Variants in PPDPFL observed in about 807,000 individuals in gnomAD.
PPDPFL encodes pancreatic progenitor cell differentiation and proliferation factor-like protein.
PPDPFL carries 12 observed loss-of-function variants against 12.6 expected under a neutral mutation model. The observed-to-expected ratio is 0.95, with a 90% CI of 0.61 to 1.54. The LOEUF is 1.54. Ranked by LOEUF, PPDPFL falls within the 40% of genes most tolerant of loss-of-function variation. The pLI, the probability that PPDPFL is intolerant of heterozygous loss-of-function variation, is 0.00. For missense variants in PPDPFL, 114 were observed against 96.0 expected (o/e 1.19, Z -0.78); for synonymous variants, 24 against 32.7 (o/e 0.73, Z 0.91).
chr8:49,061,845 C>T (rs911757585), intron 1 of PPDPFL, among the ~76,000 whole-genome samples: 1 of 152,176 alleles, frequency 6.6e-6, no homozygotes, highest in African/African-American at 2.4e-5. Flanking sequence ...GAAGGCCTCT[C>T]CGGGCAAAAA....
At chr8:49,063,121 T>A (rs1808239739) in intron 1 of PPDPFL, among the ~76,000 whole-genome samples, 1 of 152,244 alleles carries the variant, frequency 6.6e-6, no homozygotes, top group Non-Finnish European at 1.5e-5. Flanking sequence ...CATGACATGC[T>A]TGTTAGGGCG....
At chr8:49,073,260 T>G (rs1808425616) in intron 2 of PPDPFL, among the ~76,000 whole-genome samples, 1 of 152,230 alleles carries the variant, frequency 6.6e-6, no homozygotes, top group African/African-American at 2.4e-5. Flanking sequence ...CTTCAAAAAT[T>G]TTCTAATTTC....
In PPDPFL at chr8:49,066,434, T is replaced by G. The variant is rs1039267508; in HGVS notation, c.-44-6353T>G. 5.9e-5 allele frequency among the ~76,000 whole-genome samples: 9 copies of G among 152,308 alleles called. 1 individual carries two copies. Among genetic ancestry groups the G allele is most frequent in the African/African-American group, 1.9e-4 (8 of 41,578 alleles). The stretch of plus-strand genomic sequence containing the variant: ...CAAGTGCTTCTCTGCTTAAATGTAC[T>G]TGGTTCTTGTCATTTTCTAAGCCTG... On this transcript the variant is annotated intron_variant, in intron 1 of 4. Transcript: ENST00000517663.
chr8:49,064,164 T>C (rs1808257684), intron 1 of PPDPFL, among the ~76,000 whole-genome samples: 1 of 152,126 alleles, frequency 6.6e-6, no homozygotes, highest in South Asian at 2.1e-4. Context: ...CATTCCCAGG[T>C]ACAGCCAAGG....
At position 49,075,280 on chromosome 8, in the gene PPDPFL, T is replaced by C. The variant is rs761187164; in HGVS notation, c.*107T>C. 12 of 1,613,048 alleles carry C rather than the reference T, an allele frequency of 7.4e-6. No individual in the cohort carries two copies. The African/African-American group carries it at 1.5e-4, about 20-fold the overall frequency. On this transcript the variant is annotated 3_prime_UTR_variant, in exon 5 of 5. Coordinates refer to ENST00000522267, the MANE Select transcript of PPDPFL (RefSeq NM_001256597.2). ...AATCAAGATCCTCTGCCTGCTGCAG[T>C]GGTCCATACATGAACAGCTCCCCTT...
upstream of PPDPFL, among the ~76,000 whole-genome samples, chr8:49,068,329 T>A (rs1254435168): frequency 6.6e-6 from 1 of 152,126 alleles, no homozygotes; most frequent in African/African-American, 2.4e-5. Context: ...AACACCATGA[T>A]GCCACTAGCC....
chr8:49,060,439 G>T (rs1444055915), intron 1 of PPDPFL, among the ~76,000 whole-genome samples: 1 of 151,892 alleles, frequency 6.6e-6, no homozygotes, highest in Non-Finnish European at 1.5e-5. Context: ...TCAGCCTCCC[G>T]AGTAGCTGGG....
chr8:49,059,251 G>A (rs1163473860), intron 1 of PPDPFL, among the ~76,000 whole-genome samples: 4 of 152,226 alleles, frequency 2.6e-5, no homozygotes, highest in South Asian at 2.1e-4. Context: ...GTGGTGTGGG[G>A]TTGGGTGTGG....
chr8:49,063,982 G>A (rs1435000449), intron 1 of PPDPFL, among the ~76,000 whole-genome samples: 1 of 152,170 alleles, frequency 6.6e-6, no homozygotes, highest in Non-Finnish European at 1.5e-5. Context: ...CTGAGCCTCA[G>A]AGCCTGAGGT....
At chr8:49,063,761 AAT>A (rs1563298741) in intron 1 of PPDPFL, among the ~76,000 whole-genome samples, 3 of 152,116 alleles carry the variant, frequency 2.0e-5, no homozygotes, top group Admixed American at 6.5e-5. Flanking sequence ...GCTGCCATTT[AAT>A]TTAACTACCA....
intron 1 of PPDPFL, 146 bp downstream of exon 1, chr8:49,072,628 C>T (rs1808411913): frequency 2.2e-6 from 1 of 451,084 alleles, no homozygotes; most frequent in Non-Finnish European, 3.9e-6. Context: ...CTTTTTATTG[C>T]AGTATATTTG....
At chr8:49,056,687 T>C (rs987007042) in intron 1 of PPDPFL, among the ~76,000 whole-genome samples, 2 of 152,206 alleles carry the variant, frequency 1.3e-5, no homozygotes, top group Admixed American at 1.3e-4. Context: ...TTCACCCTGC[T>C]GATAGAGCAA....
intron 1 of PPDPFL, among the ~76,000 whole-genome samples, chr8:49,066,996 T>A (rs1207709066): frequency 6.6e-6 from 1 of 152,224 alleles, no homozygotes; most frequent in African/African-American, 2.4e-5. Flanking sequence ...TTGTATGAAC[T>A]GACCACCATC....
upstream of PPDPFL, among the ~76,000 whole-genome samples, chr8:49,067,544 G>A (rs1321508562): frequency 3.9e-5 from 6 of 152,178 alleles, no homozygotes; most frequent in Admixed American, 2.0e-4. Context: ...ACAACACAGG[G>A]CCATGGTGAA....
At chr8:49,057,950 GAACACTTAAATTTTAAT>G (rs1309085254) in intron 1 of PPDPFL, among the ~76,000 whole-genome samples, 1 of 152,000 alleles carries the variant, frequency 6.6e-6, no homozygotes, top group African/African-American at 2.4e-5. Context: ...ACATTTTGAA[GAACACTTAAATTTTAAT>G]AACACTATTA....
chr8:49,073,178 C>T (rs1371569748), intron 2 of PPDPFL, among the ~76,000 whole-genome samples: 3 of 152,158 alleles, frequency 2.0e-5, no homozygotes, highest in Admixed American at 1.3e-4. Context: ...GTAAGATTCA[C>T]TAAAAACTGA....
intron 1 of PPDPFL, among the ~76,000 whole-genome samples, chr8:49,063,190 A>G (rs545654321): frequency 8.0e-4 from 122 of 152,296 alleles, no homozygotes; most frequent in Non-Finnish European, 1.5e-3. Context: ...ACTGGTCGTA[A>G]TGGCCAGTTC....
chr8:49,075,494 A>C lies in PPDPFL; in HGVS notation c.*321A>C. The C allele has an allele frequency of 1.7e-6, 1 of 582,590 alleles. No individual in the cohort carries two copies. Among genetic ancestry groups the C allele is most frequent in the Non-Finnish European group, 3.1e-6 (1 of 327,340 alleles). The allele number at this position is 582,590 out of a possible 1,614,324, so 36.1% of individuals were successfully genotyped here. A position where few individuals can be genotyped will look rare whatever the true frequency, so the allele number is the denominator to read the frequency against. On this transcript the variant is annotated 3_prime_UTR_variant, in exon 5 of 5. Coordinates refer to ENST00000522267, the MANE Select transcript of PPDPFL (RefSeq NM_001256597.2). The stretch of plus-strand genomic sequence containing the variant: ...GCATCTTTGAAAAGTGTGCCTTTAG[A>C]AACAAGACACCCTTTTAAAGTAATA...
Position 49,074,137 on chromosome 8 carries a change from G to A in PPDPFL, c.133+1G>A. On this transcript the variant is annotated splice_donor_variant, in intron 3 of 4. Transcript: ENST00000522267. LOFTEE classifies it high-confidence loss of function. ...ATAGATGACGACAAACCACAGCAAG[G>A]TACTTAGTTATTTCTTTCAGTGTCA... 6.2e-7 allele frequency: 1 copy of A among 1,611,240 alleles called. No homozygotes were observed. The highest frequency in any genetic ancestry group is 1.7e-5 in the Admixed American group (1 of 59,992).
Sources: gnomAD v4.1 joint callset for allele counts (sites outside exome capture counted in the v4.1 genomes callset) on GRCh38, gnomAD v4.1.1 for gene constraint, MANE v1.5 for transcripts, NCBI Gene and HGNC (gene_info 2026-07-23, HGNC 2026-07-21) for gene names.